The following KLHL32 variants were observed in gnomAD, a reference collection of about 807,000 sequenced individuals.
KLHL32 encodes the protein kelch-like protein 32.
KLHL32 carries 35 observed loss-of-function variants against 64.8 expected under a neutral mutation model. That is an observed-to-expected ratio of 0.54 (90% confidence interval 0.41 to 0.72). The LOEUF (loss-of-function observed/expected upper bound fraction) is 0.72. KLHL32 is among the 30% of genes least tolerant of loss of function. The pLI is 0.00. For synonymous variants in KLHL32, 259 were observed against 281.0 expected, an observed-to-expected ratio of 0.92 and a Z score of 0.78; for missense variants, 589 against 768.5, an observed-to-expected ratio of 0.77 and a Z score of 2.76.
chr6:96,966,927 C>T lies in KLHL32; in HGVS notation c.-65-69C>T, dbSNP rs1434675881. 17 of 701,020 alleles carry T rather than the reference C, an allele frequency of 2.4e-5. No homozygotes were observed. In the Admixed American group the frequency reaches 3.6e-4, roughly 15 times the overall value. 43.4% of individuals were successfully genotyped at this position (701,020 alleles called of 1,614,324 possible). A position where few individuals can be genotyped will look rare whatever the true frequency, so the allele number is the denominator to read the frequency against. On this transcript the variant is annotated intron_variant, in intron 1 of 10. Coordinates refer to ENST00000369261, the MANE Select transcript of KLHL32 (RefSeq NM_052904.4). ...CCCTGGAATTCAGAAACTTTAGCAT[C>T]AGGAAGACCCAGAGTGTGCTTTTCT...
chr6:96,938,281 A>C (rs900987852), intron 1 of KLHL32, among the ~76,000 whole-genome samples: 9 of 152,186 alleles, frequency 5.9e-5, no homozygotes, highest in African/African-American at 1.7e-4. Flanking sequence ...GGAAAAAAAA[A>C]CAAATGTGTG....
At chr6:96,968,596 T>G (rs1774751187) in intron 2 of KLHL32, among the ~76,000 whole-genome samples, 1 of 152,180 alleles carries the variant, frequency 6.6e-6, no homozygotes, top group South Asian at 2.1e-4. Flanking sequence ...CCCGTTCTTA[T>G]TAATCAACTG....
intron 6 of KLHL32, among the ~76,000 whole-genome samples, chr6:97,096,304 CAT>C (rs1468620419): frequency 6.6e-6 from 1 of 152,210 alleles, no homozygotes; most frequent in African/African-American, 2.4e-5. Flanking sequence ...TGCACACACA[CAT>C]ATTAGATGCA....
intron 6 of KLHL32, among the ~76,000 whole-genome samples, chr6:97,103,086 C>G (rs1175544375): frequency 1.3e-5 from 2 of 151,396 alleles, no homozygotes; most frequent in Non-Finnish European, 2.9e-5. Context: ...TAAATATGCC[C>G]ATTATATATA....
At chr6:96,947,000 G>A (rs758875432) in intron 1 of KLHL32, among the ~76,000 whole-genome samples, 4 of 152,156 alleles carry the variant, frequency 2.6e-5, no homozygotes, top group African/African-American at 4.8e-5. Flanking sequence ...TGTGAAAAAA[G>A]CAGCTTGATT....
intron 4 of KLHL32, among the ~76,000 whole-genome samples, chr6:97,058,108 C>T (rs1017419292): frequency 2.0e-5 from 3 of 152,080 alleles, no homozygotes; most frequent in African/African-American, 7.2e-5. Flanking sequence ...TGATCTGTTT[C>T]TCTCTTCTTT....
intron 6 of KLHL32, among the ~76,000 whole-genome samples, chr6:97,111,042 G>GC (rs1203368608): frequency 2.5e-4 from 38 of 151,676 alleles, no homozygotes; most frequent in African/African-American, 9.2e-4. Flanking sequence ...GGGGGGGGGG[G>GC]TCTTAGCCAA....
chr6:97,092,515 G>A (rs973142809), intron 6 of KLHL32, among the ~76,000 whole-genome samples: 4 of 151,866 alleles, frequency 2.6e-5, no homozygotes, highest in African/African-American at 9.7e-5. Flanking sequence ...ATGTGATGAG[G>A]GTATCTCCAT....
chr6:97,004,940 T>C (rs1334951170), intron 3 of KLHL32, among the ~76,000 whole-genome samples: 1 of 148,084 alleles, frequency 6.8e-6, no homozygotes, highest in Non-Finnish European at 1.5e-5. Context: ...GTTTTCTTTC[T>C]TTTTTTTTTG....
In KLHL32 at chr6:97,085,213, T is replaced by A. The variant is rs1793214721; in HGVS notation, c.499T>A (p.Leu167Ile). The change falls in exon 6 of 11, where the codon TTA becomes ATA. Residue 167 changes from leucine to isoleucine, a missense_variant. Physicochemically the swap from Leu to Ile is conservative, Grantham distance 5. Coordinates refer to ENST00000369261, the MANE Select transcript of KLHL32 (RefSeq NM_052904.4). ...GTTGGAGAAGGCAGTGATCGATTTCTTAGTGAAACATCTCTCTGAACTCCT... is the reference window on the plus strand; with the variant it reads ...GTTGGAGAAGGCAGTGATCGATTTCATAGTGAAACATCTCTCTGAACTCCT... The part of the protein sequence containing the change: ...TLLEKAVIDF[L>I]VKHLSELLKS... 6.2e-7 allele frequency: 1 copy of A among 1,614,022 alleles called. No homozygotes were observed. Among genetic ancestry groups the A allele is most frequent in the African/African-American group, 1.3e-5 (1 of 74,940 alleles).
chr6:96,954,992 C>G (rs1308673500), intron 1 of KLHL32, among the ~76,000 whole-genome samples: 1 of 152,192 alleles, frequency 6.6e-6, no homozygotes, highest in African/African-American at 2.4e-5. Flanking sequence ...CTGCCAGATT[C>G]AATGTCTGGG....
chr6:97,011,093 G>T (rs1351632816), intron 3 of KLHL32, among the ~76,000 whole-genome samples: 2 of 152,122 alleles, frequency 1.3e-5, no homozygotes, highest in African/African-American at 4.8e-5. Context: ...GTGGGAGGAG[G>T]GACAGCGTTT....
intron 3 of KLHL32, among the ~76,000 whole-genome samples, chr6:97,025,709 G>C (rs1330421696): frequency 6.6e-6 from 1 of 152,174 alleles, no homozygotes; most frequent in Admixed American, 6.5e-5. Flanking sequence ...CAGAAGAATG[G>C]TGGTGAAGGC....
the KLHL32 span, among the ~76,000 whole-genome samples, chr6:96,911,060 A>G: frequency 1.3e-5 from 2 of 152,256 alleles, no homozygotes; most frequent in Non-Finnish European, 2.9e-5. Context: ...TAATGCTTTG[A>G]TATTCTGAAT....
chr6:97,085,998 A>G (rs924481817), intron 6 of KLHL32, among the ~76,000 whole-genome samples: 1 of 152,168 alleles, frequency 6.6e-6, no homozygotes, highest in Non-Finnish European at 1.5e-5. Context: ...GCTCATCCCC[A>G]GTGACTATTC....
intron 5 of KLHL32, among the ~76,000 whole-genome samples, chr6:97,065,334 A>G (rs1789572358): frequency 6.6e-6 from 1 of 152,186 alleles, no homozygotes; most frequent in Non-Finnish European, 1.5e-5. Flanking sequence ...CCTCACAATA[A>G]CTTTGCCCAT....
intron 3 of KLHL32, among the ~76,000 whole-genome samples, chr6:96,977,963 G>T (rs776383412): frequency 6.6e-6 from 1 of 152,130 alleles, no homozygotes; most frequent in Non-Finnish European, 1.5e-5. Flanking sequence ...CACTCACATT[G>T]TCAGGTATTC....
chr6:96,969,031 C>T lies in KLHL32; in HGVS notation c.23+1948C>T, dbSNP rs192174319. On this transcript the variant is annotated intron_variant, in intron 2 of 10. Coordinates refer to ENST00000369261, the MANE Select transcript of KLHL32 (RefSeq NM_052904.4). ...TCTCTCTCCTCTTCCTAACTGTAGT[C>T]GGGGTCATTGTCCTTTATTCACTGA... is the stretch of plus-strand genomic sequence containing the variant. Among the ~76,000 whole-genome samples the T allele has an allele frequency of 3.9e-3, 597 of 152,290 alleles. 1 individual carries two copies. Among genetic ancestry groups the T allele is most frequent in the Non-Finnish European group, 6.0e-3 (411 of 68,018 alleles).
chr6:97,096,485 A>G lies in KLHL32; in HGVS notation c.627+11144A>G, dbSNP rs114817856. ...CCATTCATCACTAAACTTTTTAAGG[A>G]TGTTAATGCCAATAGTTTGTTAACA... On this transcript the variant is annotated intron_variant, in intron 6 of 10. Transcript: ENST00000369261. Among the ~76,000 whole-genome samples, 1,124 of 152,352 alleles carry G rather than the reference A, an allele frequency of 7.4e-3. 12 individuals are homozygous for G. The highest frequency in any genetic ancestry group is 0.025 in the African/African-American group (1,040 of 41,584).
Sources: gnomAD v4.1 joint callset for allele counts (sites outside exome capture counted in the v4.1 genomes callset) on GRCh38, gnomAD v4.1.1 for gene constraint, MANE v1.5 for transcripts, NCBI Gene and HGNC (gene_info 2026-07-23, HGNC 2026-07-21) for gene names.